Variants in CRB1 observed in about 807,000 individuals in gnomAD.
CRB1 encodes the protein crumbs cell polarity complex component 1.
Under a neutral mutation model 120.0 loss-of-function variants are expected in CRB1, and 83 were observed. The ratio of observed to expected loss-of-function variants is 0.69; its 90% CI spans 0.58 to 0.83. The LOEUF (loss-of-function observed/expected upper bound fraction) is 0.83. CRB1 is among the 40% of genes least tolerant of loss of function. The pLI, the probability that CRB1 is intolerant of heterozygous loss-of-function variation, is 0.00. For missense variants in CRB1, 1,699 were observed against 1,687.6 expected (o/e 1.01, Z -0.12); for synonymous variants, 625 against 612.5 (o/e 1.02, Z -0.30).
chr1:197,434,588 T>C, intron 8 of CRB1, 118 bp from the exon 9 acceptor site: 1 of 900,042 alleles, frequency 1.1e-6, no homozygotes, highest in Non-Finnish European at 1.8e-6. Flanking sequence ...GTATGTAACA[T>C]GTATCAAATA....
At chr1:197,365,427 A>C (rs1188493068) in intron 5 of CRB1, among the ~76,000 whole-genome samples, 1 of 151,956 alleles carries the variant, frequency 6.6e-6, no homozygotes, top group Admixed American at 6.6e-5. Flanking sequence ...GAAGGAAAAC[A>C]CTTCACATAA....
At chr1:197,372,429 T>C (rs1012011377) in intron 5 of CRB1, among the ~76,000 whole-genome samples, 3 of 152,144 alleles carry the variant, frequency 2.0e-5, no homozygotes, top group South Asian at 2.1e-4. Context: ...TACAAACATA[T>C]AACACAAAGG....
chr1:197,266,336 C>T (rs966378313), upstream of CRB1, among the ~76,000 whole-genome samples: 2 of 152,016 alleles, frequency 1.3e-5, no homozygotes, highest in African/African-American at 4.8e-5. Flanking sequence ...TCTATGTGTC[C>T]TCATGTGGTG....
intron 11 of CRB1, among the ~76,000 whole-genome samples, chr1:197,466,930 A>G (rs1373269544): frequency 2.0e-5 from 3 of 152,226 alleles, no homozygotes; most frequent in Non-Finnish European, 4.4e-5. Flanking sequence ...ACACCGTGCA[A>G]GGCACAGGCA....
chr1:197,297,513 G>C (rs1348250870), intron 1 of CRB1, among the ~76,000 whole-genome samples: 1 of 152,084 alleles, frequency 6.6e-6, no homozygotes, highest in Non-Finnish European at 1.5e-5. Flanking sequence ...TGGGAGTGCA[G>C]GATGAAAGAT....
intron 6 of CRB1, among the ~76,000 whole-genome samples, chr1:197,425,663 C>T (rs1341246975): frequency 6.6e-6 from 1 of 152,144 alleles, no homozygotes; most frequent in Non-Finnish European, 1.5e-5. Context: ...TAAACACTCC[C>T]TCCTCCTGAA....
intron 5 of CRB1, among the ~76,000 whole-genome samples, chr1:197,368,171 G>T (rs555089618): frequency 6.6e-6 from 1 of 152,220 alleles, no homozygotes; most frequent in East Asian, 1.9e-4. Context: ...TTCATTTGCT[G>T]ACTTCACATT....
chr1:197,215,991 G>T, the CRB1 span, among the ~76,000 whole-genome samples: 4 of 152,102 alleles, frequency 2.6e-5, no homozygotes, highest in African/African-American at 9.7e-5. Flanking sequence ...TCCTTAAATT[G>T]CTTGTCAGTT....
At chr1:197,357,479 C>G (rs987346501) in intron 5 of CRB1, 1 of 187,756 alleles carries the variant, frequency 5.3e-6, no homozygotes, top group African/African-American at 2.4e-5. Flanking sequence ...TTAAATTACT[C>G]TTTTTTTTTC....
intron 3 of CRB1, 81 bp downstream of exon 3, chr1:197,344,557 T>A: frequency 7.4e-7 from 1 of 1,348,810 alleles, no homozygotes; most frequent in Non-Finnish European, 1.1e-6. Context: ...AATTTAGAGC[T>A]CTCACGTTCT....
chr1:197,420,433 G>T (rs1664244358), intron 5 of CRB1, among the ~76,000 whole-genome samples: 1 of 152,146 alleles, frequency 6.6e-6, no homozygotes, highest in African/African-American at 2.4e-5. Context: ...CACTGGCATT[G>T]CAGGGAAGGA....
chr1:197,351,966 A>G (rs1382771169), intron 4 of CRB1, among the ~76,000 whole-genome samples: 1 of 152,214 alleles, frequency 6.6e-6, no homozygotes, highest in Non-Finnish European at 1.5e-5. Flanking sequence ...TCTTCAGCTC[A>G]TGACTTCACT....
At chr1:197,468,989 G>A (rs1235948352) in intron 11 of CRB1, among the ~76,000 whole-genome samples, 12 of 152,152 alleles carry the variant, frequency 7.9e-5, no homozygotes, top group Admixed American at 5.2e-4. Flanking sequence ...GGAACCCCCC[G>A]GCCCCGGCAC....
intron 10 of CRB1, chr1:197,439,903 G>A (rs1665350473): frequency 1.3e-5 from 2 of 152,090 alleles, no homozygotes; most frequent in Non-Finnish European, 2.9e-5. Flanking sequence ...GGGGAGTCTA[G>A]GGTATACCTG....
chr1:197,265,638 A>T (rs1246401736), upstream of CRB1, among the ~76,000 whole-genome samples: 1 of 152,154 alleles, frequency 6.6e-6, no homozygotes, highest in African/African-American at 2.4e-5. Flanking sequence ...CCTTGTCTAT[A>T]TTCTTCATTT....
chr1:197,232,060 G>C, the CRB1 span, among the ~76,000 whole-genome samples: 1 of 152,108 alleles, frequency 6.6e-6, no homozygotes, highest in Non-Finnish European at 1.5e-5. Context: ...AGGTAGGAGG[G>C]TCAGAGTTAG....
intron 5 of CRB1, among the ~76,000 whole-genome samples, chr1:197,409,399 A>G (rs1281177049): frequency 6.6e-6 from 1 of 152,210 alleles, no homozygotes; most frequent in Admixed American, 6.5e-5. Flanking sequence ...TCAGAAATAT[A>G]TTACACATTT....
chr1:197,399,184 G>A (rs551415051), intron 5 of CRB1, among the ~76,000 whole-genome samples: 2 of 152,074 alleles, frequency 1.3e-5, no homozygotes, highest in Admixed American at 6.5e-5. Flanking sequence ...CTAACTCCAC[G>A]CTGTTAGATG....
chr1:197,426,104 G>A (rs139622617), intron 6 of CRB1, among the ~76,000 whole-genome samples: 1,574 of 151,734 alleles, frequency 0.01, 18 homozygotes, highest in Admixed American at 0.021. Flanking sequence ...GTTTTCTTCC[G>A]TATCTCTGCA....
Sources: allele counts gnomAD v4.1 joint callset (sites outside exome capture counted in the v4.1 genomes callset), GRCh38; gene constraint gnomAD v4.1.1; transcripts MANE v1.5; gene names NCBI Gene and HGNC (gene_info 2026-07-23, HGNC 2026-07-21).